CNTNAP4: variants seen among roughly 807,000 people sequenced by gnomAD.
CNTNAP4 encodes contactin-associated protein-like 4.
In CNTNAP4, 98 loss-of-function variants were observed where a neutral mutation model predicts 148.4. The ratio of observed to expected loss-of-function variants is 0.66; its 90% CI spans 0.56 to 0.78. The LOEUF is 0.78. Among genes scored for constraint, CNTNAP4 ranks in the 30% least tolerant of loss-of-function variants. The pLI, the probability that CNTNAP4 is intolerant of heterozygous loss-of-function variation, is 0.00. For missense variants in CNTNAP4, 1,935 were observed against 1,565.6 expected, an observed-to-expected ratio of 1.24 and a Z score of -3.98; for synonymous variants, 730 against 565.1, an observed-to-expected ratio of 1.29 and a Z score of -4.14.
intron 19 of CNTNAP4, 68 bp downstream of exon 19, chr16:76,538,408 T>A: frequency 8.5e-7 from 1 of 1,182,376 alleles, no homozygotes; most frequent in Non-Finnish European, 1.2e-6. Context: ...ATATGGATCA[T>A]TCTCGTGTTC....
chr16:76,527,804 T>C (rs780794458), intron 17 of CNTNAP4, among the ~76,000 whole-genome samples: 5 of 152,184 alleles, frequency 3.3e-5, no homozygotes, highest in African/African-American at 9.6e-5. Flanking sequence ...AGTAACCTTT[T>C]TACTACCTCT....
chr16:76,543,744 C>G (rs945793402), intron 21 of CNTNAP4, among the ~76,000 whole-genome samples: 4 of 152,228 alleles, frequency 2.6e-5, no homozygotes, highest in Non-Finnish European at 5.9e-5. Context: ...TGACCTGCCA[C>G]TGGCTGGGGG....
chr16:76,529,952 A>G (rs2083902759), intron 17 of CNTNAP4, among the ~76,000 whole-genome samples: 1 of 152,102 alleles, frequency 6.6e-6, no homozygotes, highest in African/African-American at 2.4e-5. Flanking sequence ...AGCACAGGAA[A>G]TAGTGCCATA....
intron 3 of CNTNAP4, among the ~76,000 whole-genome samples, chr16:76,404,584 A>T (rs76833521): frequency 0.035 from 5,313 of 152,240 alleles, 304 homozygotes; most frequent in African/African-American, 0.12. Context: ...TCTCAGCATA[A>T]GTGAGTGTTT....
chr16:76,418,082 G>T (rs1198300185), intron 3 of CNTNAP4, among the ~76,000 whole-genome samples: 1 of 129,116 alleles, frequency 7.7e-6, no homozygotes, highest in Non-Finnish European at 1.8e-5. Context: ...ACTCAGAATA[G>T]TTTTTATTTT....
At position 76,522,209 on chromosome 16, in the gene CNTNAP4, CCCGCTGATGGGCATGTCCTGTTA is replaced by C; in HGVS notation, c.2709_2731del (p.Asp905GlnfsTer47). On this transcript the variant is annotated frameshift_variant, in exon 17 of 24. Coordinates refer to ENST00000611870, the MANE Select transcript of CNTNAP4 (RefSeq NM_033401.5). LOFTEE classifies it high-confidence loss of function. ...GCTGACACCAAAGACACAGCCCGCC[CCCGCTGATGGGCATGTCCTGTTA>C]CAGCTCAACAGTCAGCTCTTCGTGG... The C allele has an allele frequency of 6.2e-7, 1 of 1,613,940 alleles. No individual in the cohort carries two copies.
chr16:76,471,770 CCT>C (rs1415656012), intron 10 of CNTNAP4, among the ~76,000 whole-genome samples: 1 of 152,080 alleles, frequency 6.6e-6, no homozygotes, highest in Non-Finnish European at 1.5e-5. Context: ...AAGGCATGGC[CCT>C]TTTGGAGGCG....
At chr16:76,433,158 T>C (rs2079673878) in intron 4 of CNTNAP4, among the ~76,000 whole-genome samples, 1 of 152,112 alleles carries the variant, frequency 6.6e-6, no homozygotes, top group Non-Finnish European at 1.5e-5. Context: ...TTGTTATTAG[T>C]CTTCTGGATA....
chr16:76,558,475 C>A lies in CNTNAP4; in HGVS notation c.3734-15C>A. ...GGACAGAAATTCTGACTTTATATTT[C>A]TTTTCTCTCTCTAGGTCTGATAGCT... On this transcript the variant is annotated splice_polypyrimidine_tract_variant and intron_variant, in intron 23 of 23. Coordinates refer to ENST00000611870, the MANE Select transcript of CNTNAP4 (RefSeq NM_033401.5). 1 of 1,503,328 alleles carries A rather than the reference C, an allele frequency of 6.7e-7. No individual in the cohort carries two copies. The highest frequency in any genetic ancestry group is 9.1e-7 in the Non-Finnish European group (1 of 1,094,072). 93.1% of individuals were successfully genotyped at this position (1,503,328 alleles called of 1,614,324 possible).
intron 15 of CNTNAP4, among the ~76,000 whole-genome samples, chr16:76,515,012 G>C (rs1320581411): frequency 6.6e-6 from 1 of 152,064 alleles, no homozygotes; most frequent in East Asian, 1.9e-4. Flanking sequence ...TTCCTGTAGG[G>C]CTAGGAAATC....
chr16:76,359,890 A>G (rs74026733), intron 3 of CNTNAP4, among the ~76,000 whole-genome samples: 4,695 of 152,288 alleles, frequency 0.031, 237 homozygotes, highest in African/African-American at 0.11. Context: ...CGTGAAATCA[A>G]CATCTTAGAA....
intron 13 of CNTNAP4, 138 bp from the exon 14 acceptor site, chr16:76,494,772 C>A: frequency 1.1e-6 from 1 of 901,214 alleles, no homozygotes; most frequent in Non-Finnish European, 1.7e-6. Context: ...TACTGTTTTG[C>A]ATATCCTTAA....
chr16:76,455,420 C>A (rs990463250), intron 8 of CNTNAP4, among the ~76,000 whole-genome samples: 1 of 152,174 alleles, frequency 6.6e-6, no homozygotes, highest in African/African-American at 2.4e-5. Flanking sequence ...ATTCTCAATT[C>A]TTGTGCCTCT....
At chr16:76,300,928 C>G (rs577574530) in intron 1 of CNTNAP4, among the ~76,000 whole-genome samples, 74 of 150,154 alleles carry the variant, frequency 4.9e-4, no homozygotes, top group Admixed American at 7.6e-4. Context: ...ATTTTTTTCA[C>G]TTTCCTTTTT....
At chr16:76,525,522 G>C (rs1023492941) in intron 17 of CNTNAP4, among the ~76,000 whole-genome samples, 37 of 146,888 alleles carry the variant, frequency 2.5e-4, no homozygotes, top group Non-Finnish European at 3.6e-4. Context: ...TAGTTACATA[G>C]TTATATATTT....
At position 76,522,733 on chromosome 16, in the gene CNTNAP4, T is replaced by C. The variant is rs1008721884; in HGVS notation, c.2755+476T>C. 1.7e-3 allele frequency among the ~76,000 whole-genome samples: 167 copies of C among 100,856 alleles called. 5 individuals are homozygous for C. Among genetic ancestry groups the C allele is most frequent in the African/African-American group, 3.0e-3 (68 of 22,792 alleles). The allele number at this position is 100,856 out of a possible 152,430, so 66.2% of individuals were successfully genotyped here. ...TTTCTTTTCTTTTCTTTTCTTTTCTTTTCTTTTCTTTTCTTTTCTTTTCTT... is the reference window on the plus strand; with the variant it reads ...TTTCTTTTCTTTTCTTTTCTTTTCTCTTCTTTTCTTTTCTTTTCTTTTCTT... On this transcript the variant is annotated intron_variant, in intron 17 of 23. Coordinates refer to ENST00000611870, the MANE Select transcript of CNTNAP4 (RefSeq NM_033401.5).
intron 15 of CNTNAP4, 83 bp from the exon 16 acceptor site, chr16:76,521,057 A>G: frequency 7.7e-7 from 1 of 1,296,790 alleles, no homozygotes; most frequent in Non-Finnish European, 1.1e-6. Flanking sequence ...TGCTAAAAAT[A>G]GAACATGTAA....
chr16:76,523,555 A>C (rs886562892), intron 17 of CNTNAP4, among the ~76,000 whole-genome samples: 1 of 152,160 alleles, frequency 6.6e-6, no homozygotes, highest in Admixed American at 6.6e-5. Flanking sequence ...ACCATGAATT[A>C]TCTCTTACTT....
At chr16:76,437,297 A>G (rs1597534957) in intron 4 of CNTNAP4, among the ~76,000 whole-genome samples, 1 of 152,220 alleles carries the variant, frequency 6.6e-6, no homozygotes, top group Non-Finnish European at 1.5e-5. Flanking sequence ...CTCCTTTGGC[A>G]ACACCCTCAC....
Sources: gnomAD v4.1 joint callset for allele counts (sites outside exome capture counted in the v4.1 genomes callset) on GRCh38, gnomAD v4.1.1 for gene constraint, MANE v1.5 for transcripts, NCBI Gene and HGNC (gene_info 2026-07-23, HGNC 2026-07-21) for gene names.